RPS6KC1: variants seen among roughly 807,000 people sequenced by gnomAD.
The protein encoded by RPS6KC1 is inactive ribosomal protein S6 kinase delta-1.
RPS6KC1 carries 54 observed loss-of-function variants against 103.8 expected under a neutral mutation model. The observed-to-expected ratio is 0.52, with a 90% CI of 0.42 to 0.65. The LOEUF is 0.65. RPS6KC1 is among the 30% of genes least tolerant of loss of function. The pLI, the probability that RPS6KC1 is intolerant of heterozygous loss-of-function variation, is 0.00. For synonymous variants in RPS6KC1, 439 were observed against 438.7 expected (o/e 1.00, Z -0.01); for missense variants, 1,151 against 1,253.8 (o/e 0.92, Z 1.24).
the RPS6KC1 span, among the ~76,000 whole-genome samples, chr1:213,780,582 T>A: frequency 5.6e-4 from 85 of 152,334 alleles, no homozygotes; most frequent in African/African-American, 1.9e-3. Flanking sequence ...TATAGGCTAT[T>A]TTGAGTTTTT....
intron 8 of RPS6KC1, among the ~76,000 whole-genome samples, chr1:213,196,590 T>C (rs942742655): frequency 6.6e-6 from 1 of 152,222 alleles, no homozygotes; most frequent in East Asian, 1.9e-4. Context: ...TCTGATGTTA[T>C]CTTCTAGAAT....
the RPS6KC1 span, among the ~76,000 whole-genome samples, chr1:213,375,578 A>G: frequency 6.6e-6 from 1 of 152,120 alleles, no homozygotes. Flanking sequence ...GATGTAGGAG[A>G]TTGTATAAGT....
chr1:213,479,530 A>T, the RPS6KC1 span, among the ~76,000 whole-genome samples: 2 of 151,996 alleles, frequency 1.3e-5, no homozygotes, highest in Non-Finnish European at 2.9e-5. Context: ...CTCATTTGTT[A>T]ACTGCCTGTT....
At chr1:213,161,791 A>G (rs561992293) in intron 6 of RPS6KC1, among the ~76,000 whole-genome samples, 1 of 152,346 alleles carries the variant, frequency 6.6e-6, no homozygotes, top group African/African-American at 2.4e-5. Flanking sequence ...GTTGAGAATA[A>G]TAAACTGCTT....
At chr1:213,676,746 C>T in the RPS6KC1 span, among the ~76,000 whole-genome samples, 1 of 152,220 alleles carries the variant, frequency 6.6e-6, no homozygotes. Context: ...CTTCTCCAAC[C>T]AGACTTCTTT....
chr1:213,486,414 TTA>T, the RPS6KC1 span, among the ~76,000 whole-genome samples: 1 of 152,158 alleles, frequency 6.6e-6, no homozygotes, highest in Non-Finnish European at 1.5e-5. Flanking sequence ...TTTTATTTTT[TTA>T]TTTTTTTTAT....
At chr1:213,693,137 CTCT>C in the RPS6KC1 span, among the ~76,000 whole-genome samples, 1 of 152,206 alleles carries the variant, frequency 6.6e-6, no homozygotes, top group Non-Finnish European at 1.5e-5. Flanking sequence ...CCTCCCTTCC[CTCT>C]TGCCTTCCTT....
At chr1:213,861,932 G>A in the RPS6KC1 span, among the ~76,000 whole-genome samples, 1 of 151,866 alleles carries the variant, frequency 6.6e-6, no homozygotes, top group Non-Finnish European at 1.5e-5. Context: ...TGCCACCATC[G>A]CCCTCTTTGC....
At chr1:213,068,376 C>T (rs888386163) in intron 1 of RPS6KC1, among the ~76,000 whole-genome samples, 1 of 142,064 alleles carries the variant, frequency 7.0e-6, no homozygotes, top group Non-Finnish European at 1.5e-5. Context: ...CCCAGGTACT[C>T]GGGAGGCTGA....
chr1:213,201,288 TA>T (rs1247552831), intron 8 of RPS6KC1, among the ~76,000 whole-genome samples: 1 of 152,148 alleles, frequency 6.6e-6, no homozygotes, highest in African/African-American at 2.4e-5. Context: ...AAAAAAGAAA[TA>T]CCTATCAAGC....
At chr1:213,701,226 C>G in the RPS6KC1 span, among the ~76,000 whole-genome samples, 1 of 123,646 alleles carries the variant, frequency 8.1e-6, no homozygotes, top group African/African-American at 2.8e-5. Context: ...TATGTTCCTT[C>G]TATACCCTAT....
At chr1:213,755,488 T>A in the RPS6KC1 span, among the ~76,000 whole-genome samples, 3 of 152,142 alleles carry the variant, frequency 2.0e-5, no homozygotes, top group African/African-American at 7.2e-5. Context: ...CACATTTGCA[T>A]GCCTCCACAG....
chr1:213,661,090 A>T, the RPS6KC1 span, among the ~76,000 whole-genome samples: 1 of 152,202 alleles, frequency 6.6e-6, no homozygotes, highest in Non-Finnish European at 1.5e-5. Flanking sequence ...CCCTCAGGCT[A>T]CTGGTTAATT....
chr1:213,762,813 C>T, the RPS6KC1 span, among the ~76,000 whole-genome samples: 3 of 151,608 alleles, frequency 2.0e-5, no homozygotes, highest in Non-Finnish European at 1.5e-5. Flanking sequence ...AAGTAGGGAA[C>T]TAGACAAATG....
At chr1:213,068,483 CAAAAAAAAAAAA>C (rs71147057) in intron 1 of RPS6KC1, among the ~76,000 whole-genome samples, 5 of 36,362 alleles carry the variant, frequency 1.4e-4, no homozygotes, top group Non-Finnish European at 2.3e-4. Context: ...GACTCTGTCT[CAAAAAAAAAAAA>C]AAAAAAAAAA....
At chr1:213,117,650 A>G (rs1347185093) in intron 5 of RPS6KC1, among the ~76,000 whole-genome samples, 1 of 151,716 alleles carries the variant, frequency 6.6e-6, no homozygotes, top group African/African-American at 2.4e-5. Flanking sequence ...ATAATGATTC[A>G]TCCTCCAATT....
At chr1:213,658,783 G>A in the RPS6KC1 span, among the ~76,000 whole-genome samples, 1 of 152,106 alleles carries the variant, frequency 6.6e-6, no homozygotes, top group Non-Finnish European at 1.5e-5. Context: ...AGGAAACTGG[G>A]GGAAATGCCT....
chr1:213,830,077 T>A, the RPS6KC1 span, among the ~76,000 whole-genome samples: 1 of 152,202 alleles, frequency 6.6e-6, no homozygotes, highest in Non-Finnish European at 1.5e-5. Flanking sequence ...AATTAGAGAC[T>A]AATGAATTCA....
chr1:213,839,515 G>C, the RPS6KC1 span, among the ~76,000 whole-genome samples: 1 of 152,150 alleles, frequency 6.6e-6, no homozygotes, highest in Non-Finnish European at 1.5e-5. Context: ...AGTTCATTAT[G>C]GGTTCTCACA....
Sources: allele counts gnomAD v4.1 joint callset (sites outside exome capture counted in the v4.1 genomes callset), GRCh38; gene constraint gnomAD v4.1.1; transcripts MANE v1.5; gene names NCBI Gene and HGNC (gene_info 2026-07-23, HGNC 2026-07-21).